Variants in CACNB4 observed in about 807,000 individuals in gnomAD.
CACNB4 encodes calcium voltage-gated channel auxiliary subunit beta 4.
Under a neutral mutation model 71.2 loss-of-function variants are expected in CACNB4, and 32 were observed. The ratio of observed to expected loss-of-function variants is 0.45; its 90% confidence interval spans 0.34 to 0.60. The LOEUF is 0.60. CACNB4 is among the 20% of genes least tolerant of loss of function. The pLI, the probability that CACNB4 is intolerant of heterozygous loss-of-function variation, is 0.01. For synonymous variants in CACNB4, 231 were observed against 236.9 expected, an observed-to-expected ratio of 0.97 and a Z score of 0.23; for missense variants, 464 against 647.9, an observed-to-expected ratio of 0.72 and a Z score of 3.08.
intron 2 of CACNB4, among the ~76,000 whole-genome samples, chr2:151,884,787 T>G (rs1040619500): frequency 1.3e-5 from 2 of 152,224 alleles, no homozygotes; most frequent in Non-Finnish European, 2.9e-5. Context: ...TACAGTTTCC[T>G]TAAGCTGGCA....
chr2:151,880,011 C>T (rs536713545), intron 4 of CACNB4: 28 of 152,308 alleles, frequency 1.8e-4, no homozygotes, highest in Non-Finnish European at 3.2e-4. Flanking sequence ...ATCAACTTAA[C>T]CATTCAGATG....
At chr2:152,074,070 C>T (rs1258480565) in intron 2 of CACNB4, among the ~76,000 whole-genome samples, 2 of 152,030 alleles carry the variant, frequency 1.3e-5, no homozygotes, top group Admixed American at 6.6e-5. Flanking sequence ...GGCAGGCAGG[C>T]AGGGGAGGAA....
intron 2 of CACNB4, among the ~76,000 whole-genome samples, chr2:152,059,459 T>C (rs916982705): frequency 1.3e-5 from 2 of 152,256 alleles, no homozygotes; most frequent in Admixed American, 6.5e-5. Context: ...GGAGATCATT[T>C]TGGAGCTTCA....
intron 2 of CACNB4, among the ~76,000 whole-genome samples, chr2:151,997,533 C>CA (rs5835392): frequency 0.47 from 70,665 of 149,062 alleles, 19,622 homozygotes; most frequent in Non-Finnish European, 0.63. Context: ...GACTCTGTCT[C>CA]AAAAAAAAAG....
At chr2:151,852,832 G>A (rs2099839413) in intron 12 of CACNB4, 1 of 152,218 alleles carries the variant, frequency 6.6e-6, no homozygotes, top group Non-Finnish European at 1.5e-5. Context: ...AGTGGGAAAA[G>A]TGGAGAGACT....
chr2:152,029,522 G>GAAAAT (rs1283512652), intron 2 of CACNB4, among the ~76,000 whole-genome samples: 1 of 147,508 alleles, frequency 6.8e-6, no homozygotes, highest in Non-Finnish European at 1.5e-5. Flanking sequence ...GAAAAGAAAA[G>GAAAAT]AAAAGAAAAG....
At chr2:152,042,514 A>G (rs1684927957) in intron 2 of CACNB4, among the ~76,000 whole-genome samples, 1 of 152,182 alleles carries the variant, frequency 6.6e-6, no homozygotes, top group Non-Finnish European at 1.5e-5. Context: ...CAAAACAGCT[A>G]GACTAGCAGT....
chr2:151,985,948 T>C (rs1455029281), intron 2 of CACNB4, among the ~76,000 whole-genome samples: 1 of 152,196 alleles, frequency 6.6e-6, no homozygotes, highest in Non-Finnish European at 1.5e-5. Flanking sequence ...CAGTAAAGGT[T>C]CTAGTATCTA....
intron 2 of CACNB4, among the ~76,000 whole-genome samples, chr2:151,928,822 G>C (rs2099860914): frequency 6.6e-6 from 1 of 151,462 alleles, no homozygotes; most frequent in African/African-American, 2.4e-5. Flanking sequence ...TGAGGCTGGA[G>C]AATCGCTTGA....
chr2:152,067,156 T>A (rs151267799), intron 2 of CACNB4, among the ~76,000 whole-genome samples: 2,821 of 151,674 alleles, frequency 0.019, 35 homozygotes, highest in Non-Finnish European at 0.029. Flanking sequence ...ATAAATAAAT[T>A]AATTAATTAA....
chr2:151,890,406 T>G (rs1352001429), intron 2 of CACNB4, among the ~76,000 whole-genome samples: 1 of 152,196 alleles, frequency 6.6e-6, no homozygotes, highest in Non-Finnish European at 1.5e-5. Context: ...CCTTACTAAC[T>G]TATAGATATT....
At chr2:151,903,332 A>G (rs1423313822) in intron 2 of CACNB4, among the ~76,000 whole-genome samples, 1 of 151,952 alleles carries the variant, frequency 6.6e-6, no homozygotes, top group Non-Finnish European at 1.5e-5. Context: ...TGGCCAACAC[A>G]GCAAAACCGC....
chr2:151,942,718 C>T lies in CACNB4; in HGVS notation c.148-59348G>A, dbSNP rs185643451. On this transcript the variant is annotated intron_variant, in intron 2 of 13. Transcript: ENST00000539935. ...TCCTGGGGGGAGGTCTATAAACGGC[C>T]GCTCTAGGAATGTCTGTCCTATGCG... Among the ~76,000 whole-genome samples, 1,052 of 152,108 alleles carry T rather than the reference C, an allele frequency of 6.9e-3. 10 individuals carry two copies. Among genetic ancestry groups the T allele is most frequent in the African/African-American group, 0.024 (997 of 41,470 alleles).
At chr2:151,868,179 T>C (rs2099843666) in intron 9 of CACNB4, 1 of 152,246 alleles carries the variant, frequency 6.6e-6, no homozygotes, top group Admixed American at 6.5e-5. Context: ...TATTAAAATC[T>C]ATCTGAAGTT....
intron 2 of CACNB4, among the ~76,000 whole-genome samples, chr2:152,038,910 A>G (rs1365339348): frequency 6.6e-6 from 1 of 152,140 alleles, no homozygotes; most frequent in Non-Finnish European, 1.5e-5. Context: ...AGGGTGTGAC[A>G]CTTCCTCATG....
At position 151,837,019 on chromosome 2, in the gene CACNB4, G is replaced by T. The variant is rs2099835033; in HGVS notation, c.*2100C>A. Reference sequence around the variant, plus strand: ...AATGTTTTCTTTCTCATGCAAGTATGTGCTGTACATGTAATAAATATATTT... The same window carrying T: ...AATGTTTTCTTTCTCATGCAAGTATTTGCTGTACATGTAATAAATATATTT... On this transcript the variant is annotated 3_prime_UTR_variant, in exon 14 of 14. Coordinates refer to ENST00000539935, the MANE Select transcript of CACNB4 (RefSeq NM_000726.5). 6.6e-6 allele frequency: 1 copy of T among 151,946 alleles called. No homozygotes were observed. The allele number at this position is 151,946 out of a possible 1,614,324, so 9.4% of individuals were successfully genotyped here. A position where few individuals can be genotyped will look rare whatever the true frequency, so the allele number is the denominator to read the frequency against.
chr2:151,860,777 T>C lies in CACNB4; in HGVS notation c.802A>G (p.Arg268Gly), dbSNP rs1033751911. The C allele has an allele frequency of 1.9e-6, 3 of 1,613,708 alleles. No individual in the cohort carries two copies. Among genetic ancestry groups the C allele is most frequent in the Non-Finnish European group, 1.7e-6 (2 of 1,179,634 alleles). Residue 268 changes from arginine to glycine, a missense_variant, in exon 10 of 14, where the codon AGG (arginine) becomes GGG (glycine). This residue lies in a region of CACNB4 where 299 missense variants were observed against 471.7 expected (regional missense o/e 0.63). Transcript: ENST00000539935. ...TTGCTGGGATTATTTAGGACAGACCTCTTAGCAAGAGAAATGTCAGCTGTC... is the reference window on the plus strand; with the variant it reads ...TTGCTGGGATTATTTAGGACAGACCCCTTAGCAAGAGAAATGTCAGCTGTC... Reference protein sequence around the residue: ...RVTADISLAKRSVLNNPSKRA... With the variant: ...RVTADISLAKGSVLNNPSKRA...
chr2:151,880,712 G>T, intron 4 of CACNB4, 88 bp downstream of exon 4: 1 of 1,415,148 alleles, frequency 7.1e-7, no homozygotes, highest in Non-Finnish European at 9.7e-7. Context: ...CAGCTCCTTG[G>T]GTCTCCTCTC....
chr2:152,047,189 A>AC (rs1407386313), intron 2 of CACNB4, among the ~76,000 whole-genome samples: 1 of 152,210 alleles, frequency 6.6e-6, no homozygotes, highest in Non-Finnish European at 1.5e-5. Context: ...TATAGAAACT[A>AC]AAAATAACAT....
Sources: allele counts gnomAD v4.1 joint callset (sites outside exome capture counted in the v4.1 genomes callset), GRCh38; gene constraint gnomAD v4.1.1; regional missense constraint gnomAD v4.1.1; transcripts MANE v1.5; gene names NCBI Gene and HGNC (gene_info 2026-07-23, HGNC 2026-07-21).